NHSL1: variants seen among roughly 807,000 people sequenced by gnomAD.
The protein encoded by NHSL1 is NHS-like protein 1.
NHSL1 carries 48 observed loss-of-function variants against 95.0 expected under a neutral mutation model. The observed-to-expected ratio is 0.51, with a 90% CI of 0.40 to 0.64. The LOEUF (loss-of-function observed/expected upper bound fraction) is 0.64. Ranked by LOEUF, NHSL1 falls within the 30% of genes least tolerant of loss-of-function variation. NHSL1 has a pLI of 0.00. For synonymous variants in NHSL1, 783 were observed against 833.9 expected, an observed-to-expected ratio of 0.94 and a Z score of 1.05; for missense variants, 1,971 against 2,077.7, an observed-to-expected ratio of 0.95 and a Z score of 1.00.
At chr6:138,486,050 G>A (rs890425837) in intron 2 of NHSL1, among the ~76,000 whole-genome samples, 4 of 152,092 alleles carry the variant, frequency 2.6e-5, no homozygotes, top group African/African-American at 9.7e-5. Context: ...CTAGGAGACA[G>A]AGGCCGCAAC....
chr6:138,500,082 G>GA (rs59542058), upstream of NHSL1, among the ~76,000 whole-genome samples: 39 of 143,932 alleles, frequency 2.7e-4, no homozygotes, highest in South Asian at 1.3e-3. Flanking sequence ...CAACAATCAA[G>GA]AAAAAAAAAA....
At chr6:138,529,012 T>G (rs1782025446) in intron 1 of NHSL1, among the ~76,000 whole-genome samples, 1 of 152,234 alleles carries the variant, frequency 6.6e-6, no homozygotes, top group Non-Finnish European at 1.5e-5. Flanking sequence ...AGAATGAGCC[T>G]TTTATATTCT....
rs570417881 is a variant in NHSL1 at position 138,558,241 on chromosome 6, G to A, written c.202+13469C>T. On this transcript the variant is annotated intron_variant, in intron 1 of 6. Coordinates refer to the NHSL1 transcript ENST00000427025. ...GGATTCAAGCAATTCTCCTGCCTCA[G>A]CCTCCCGAGTAGCTGGGACTACAGG... 3.4e-3 allele frequency among the ~76,000 whole-genome samples: 523 copies of A among 151,828 alleles called. 2 individuals are homozygous for A. Among genetic ancestry groups the A allele is most frequent in the Non-Finnish European group, 5.7e-3 (386 of 67,964 alleles).
At chr6:138,599,588 T>C (rs563220813) in intron 1 of NHSL1, among the ~76,000 whole-genome samples, 19 of 152,334 alleles carry the variant, frequency 1.2e-4, no homozygotes, top group Admixed American at 7.8e-4. Context: ...AATGGTGCTA[T>C]TGAAATTAGA....
chr6:138,629,709 C>G (rs974009383), intron 1 of NHSL1, among the ~76,000 whole-genome samples: 1 of 152,136 alleles, frequency 6.6e-6, no homozygotes, highest in African/African-American at 2.4e-5. Context: ...TAAAGAGAAG[C>G]AAATGCCTGA....
chr6:138,539,025 TAAC>T (rs1393953833), intron 1 of NHSL1, among the ~76,000 whole-genome samples: 1 of 152,118 alleles, frequency 6.6e-6, no homozygotes. Flanking sequence ...ATTTTGACAG[TAAC>T]AACAACAAAA....
intron 1 of NHSL1, among the ~76,000 whole-genome samples, chr6:138,541,029 T>C (rs1389704003): frequency 6.6e-6 from 1 of 152,154 alleles, no homozygotes; most frequent in Non-Finnish European, 1.5e-5. Context: ...AGTGAAATTA[T>C]TCCTGGGGCA....
intron 1 of NHSL1, among the ~76,000 whole-genome samples, chr6:138,636,169 T>A (rs1238332672): frequency 6.8e-6 from 1 of 147,308 alleles, no homozygotes; most frequent in Non-Finnish European, 1.5e-5. Context: ...AAAAAAAACA[T>A]ATGGTCATTT....
chr6:138,682,863 T>C (rs566230866), intron 1 of NHSL1, among the ~76,000 whole-genome samples: 3 of 152,188 alleles, frequency 2.0e-5, no homozygotes, highest in South Asian at 2.1e-4. Context: ...ATTCAGAAAG[T>C]GTGGGTAACC....
rs1783627852 is a variant in NHSL1, at chr6:138,566,601, A to G, written c.202+5109T>C. ...TTTTCATAATTTAAAAAAAAACCAT[A>G]TTTTTCATAATTTAAATGCCTCTTC... On this transcript the variant is annotated intron_variant, in intron 1 of 6. Coordinates refer to the NHSL1 transcript ENST00000427025. 2.6e-5 allele frequency among the ~76,000 whole-genome samples: 4 copies of G among 151,638 alleles called. No homozygotes were observed. In the South Asian group the frequency reaches 8.4e-4, roughly 32 times the overall value.
intron 1 of NHSL1, among the ~76,000 whole-genome samples, chr6:138,591,738 T>C (rs1269044756): frequency 6.6e-6 from 1 of 152,176 alleles, no homozygotes; most frequent in African/African-American, 2.4e-5. Flanking sequence ...AGCTAATTCA[T>C]AAGTTTTCAA....
intron 1 of NHSL1, among the ~76,000 whole-genome samples, chr6:138,643,857 G>C (rs1784985807): frequency 6.6e-6 from 1 of 152,052 alleles, no homozygotes; most frequent in African/African-American, 2.4e-5. Context: ...AGTTAGCTGG[G>C]CATGGTGACG....
At chr6:138,555,674 T>C (rs919220655) in intron 1 of NHSL1, among the ~76,000 whole-genome samples, 2 of 152,242 alleles carry the variant, frequency 1.3e-5, no homozygotes, top group East Asian at 1.9e-4. Context: ...GTCTTTGCTA[T>C]GGTAAGTTGC....
chr6:138,674,067 G>A (rs953799884), intron 1 of NHSL1, among the ~76,000 whole-genome samples: 3 of 152,086 alleles, frequency 2.0e-5, no homozygotes, highest in African/African-American at 4.8e-5. Context: ...CTAAGGTATG[G>A]TATTCAAAGC....
At chr6:138,586,239 C>G (rs896218198) in intron 1 of NHSL1, among the ~76,000 whole-genome samples, 3 of 151,892 alleles carry the variant, frequency 2.0e-5, no homozygotes, top group Non-Finnish European at 4.4e-5. Flanking sequence ...GAATTACAGG[C>G]ACCTACCACA....
intron 2 of NHSL1, among the ~76,000 whole-genome samples, chr6:138,493,280 T>C (rs4896369): frequency 0.43 from 65,702 of 152,106 alleles, 16,166 homozygotes; most frequent in Middle Eastern, 0.54. Context: ...TTATTAATAG[T>C]AAATCCCTTT....
chr6:138,513,925 A>T (rs2128302927), intron 1 of NHSL1, among the ~76,000 whole-genome samples: 1 of 152,348 alleles, frequency 6.6e-6, no homozygotes, highest in South Asian at 2.1e-4. Flanking sequence ...GCCCAGTGCC[A>T]GGTTTGATAC....
chr6:138,525,571 ATAAATAAAAAG>A (rs1562348783), intron 1 of NHSL1, among the ~76,000 whole-genome samples: 1 of 150,032 alleles, frequency 6.7e-6, no homozygotes, highest in African/African-American at 2.5e-5. Flanking sequence ...AAATAAATAA[ATAAATAAAAAG>A]GGAAAGATGC....
intron 1 of NHSL1, among the ~76,000 whole-genome samples, chr6:138,506,847 G>A (rs1459595500): frequency 2.0e-5 from 3 of 151,912 alleles, no homozygotes; most frequent in Admixed American, 6.6e-5. Context: ...ATTTGATATG[G>A]CAGATTAAAA....
Sources: allele counts gnomAD v4.1 joint callset (sites outside exome capture counted in the v4.1 genomes callset), GRCh38; gene constraint gnomAD v4.1.1; transcripts MANE v1.5; gene names NCBI Gene and HGNC (gene_info 2026-07-23, HGNC 2026-07-21).